SELENON: variants seen among roughly 807,000 people sequenced by gnomAD.
SELENON encodes selenoprotein N.
A neutral mutation model predicts 59.5 loss-of-function variants in SELENON; 44 were observed. That is an observed-to-expected ratio of 0.74 (90% CI 0.58 to 0.95). The LOEUF is 0.95. Ranked by LOEUF, SELENON falls within the 40% of genes least tolerant of loss-of-function variation. SELENON has a pLI of 0.00. For missense variants in SELENON, 674 were observed against 721.4 expected, an observed-to-expected ratio of 0.93 and a Z score of 0.75; for synonymous variants, 320 against 305.6, an observed-to-expected ratio of 1.05 and a Z score of -0.49.
In SELENON at chr1:25,807,540, C is replaced by T. The variant is rs1202398543; in HGVS notation, c.538-1040C>T. Among the ~76,000 whole-genome samples the T allele has an allele frequency of 6.6e-6, 1 of 152,168 alleles. No homozygotes were observed. Among genetic ancestry groups the T allele is most frequent in the African/African-American group, 2.4e-5 (1 of 41,454 alleles). ...ACTGGGGTGAGGCAGGAGCAGCACC[C>T]CTAGCCCTGGCCCCCGAGCAGAGCC... On this transcript the variant is annotated intron_variant, in intron 4 of 12. Coordinates refer to ENST00000361547, the MANE Select transcript of SELENON (RefSeq NM_020451.3). The surrounding 1 kb of genome is among the most constrained non-coding windows in gnomAD (Gnocchi z 4.5).
intron 12 of SELENON, 113 bp from the exon 12 acceptor site, chr1:25,815,435 G>C (rs1236367738): frequency 2.2e-6 from 2 of 923,240 alleles, no homozygotes; most frequent in Non-Finnish European, 1.7e-6. Context: ...ATCCACCTCA[G>C]ACAAGGACAG....
rs761226681 is a variant in SELENON, at chr1:25,809,676, C to T, written c.873-7C>T. The stretch of plus-strand genomic sequence containing the variant: ...AGCTCTGGTGCAGCAGATCCCCTTC[C>T]CCACAGGATCCATGCCGAGTTCCAG... On this transcript the variant is annotated splice_polypyrimidine_tract_variant and splice_region_variant and intron_variant, in intron 6 of 12. Coordinates refer to ENST00000361547, the MANE Select transcript of SELENON (RefSeq NM_020451.3). 3 of 1,613,722 alleles carry T rather than the reference C, an allele frequency of 1.9e-6. No homozygotes were observed. Among genetic ancestry groups the T allele is most frequent in the South Asian group, 2.2e-5 (2 of 91,086 alleles).
rs1174797000 is a variant in SELENON at position 25,800,258 on chromosome 1, G to C, written c.28G>C (p.Gly10Arg). The C allele has an allele frequency of 1.1e-6, 1 of 932,758 alleles. No individual in the cohort carries two copies. The highest frequency in any genetic ancestry group is 1.3e-6 in the Non-Finnish European group (1 of 784,882). 57.8% of individuals were successfully genotyped at this position (932,758 alleles called of 1,614,324 possible). ...GGGCCGGGCCCGGCCGGGCCAACGC[G>C]GGCCGCCCAGCCCCGGCCCCGCCGC... Residue 10 changes from glycine (G) to arginine (R), a missense_variant, in exon 1 of 13, where the codon GGG becomes CGG. By Grantham distance (125) the Gly-to-Arg change is moderately radical (BLOSUM62 -2). Coordinates refer to ENST00000361547, the MANE Select transcript of SELENON (RefSeq NM_020451.3).
intron 9 of SELENON, 66 bp from the exon 9 acceptor site, chr1:25,812,621 G>T (rs1269188368): frequency 6.2e-6 from 7 of 1,122,840 alleles, no homozygotes; most frequent in Non-Finnish European, 7.8e-6. Context: ...ACACACTACA[G>T]ACTCAGCCCG....
chr1:25,812,873 G>T (rs1158799642), intron 10 of SELENON, 81 bp downstream of exon 9: 4 of 1,089,340 alleles, frequency 3.7e-6, no homozygotes, highest in Non-Finnish European at 5.5e-6. Context: ...AGACCAATGG[G>T]ACTCTTCTGT....
Position 25,815,652 on chromosome 1 carries a change from C to G in SELENON, c.1707C>G (p.Ser569=). ...TCTCATCCACCTTTGAAGACCCGTC[C>G]ACGGCCACCTACATGCAGTTCCTGA... The change falls in exon 13 of 13, where the codon TCC becomes TCG. Residue 569 remains serine, a synonymous_variant. Coordinates refer to ENST00000361547, the MANE Select transcript of SELENON (RefSeq NM_020451.3). 6.2e-7 allele frequency: 1 copy of G among 1,614,208 alleles called. No homozygotes were observed. Among genetic ancestry groups the G allele is most frequent in the South Asian group, 1.1e-5 (1 of 91,090 alleles).
rs1304307798 is a variant in SELENON at position 25,807,232 on chromosome 1, T to C, written c.538-1348T>C. Among the ~76,000 whole-genome samples the C allele has an allele frequency of 6.6e-6, 1 of 152,076 alleles. No individual in the cohort carries two copies. The highest frequency in any genetic ancestry group is 1.9e-4 in the East Asian group (1 of 5,184). On this transcript the variant is annotated intron_variant, in intron 4 of 12. Coordinates refer to ENST00000361547, the MANE Select transcript of SELENON (RefSeq NM_020451.3). The surrounding 1 kb of genome is among the most constrained non-coding windows in gnomAD (Gnocchi z 4.5). ...AGGGAAGGGCATTGCCCGTTTTGGG[T>C]CCTGTTTACTTGCCGTCTCCCACTA...
In SELENON at chr1:25,818,084, C is replaced by T. The variant is rs1165089318; in HGVS notation, c.*2366C>T. On this transcript the variant is annotated 3_prime_UTR_variant, in exon 13 of 13. Transcript: ENST00000361547. ...TGGCCTGGGCTTTCTGAGGCCTTAT[C>T]TGATGCCTCTGCAGTTCATGTCCCC... 1 of 152,410 alleles carries T rather than the reference C, an allele frequency of 6.6e-6. No individual in the cohort carries two copies. The highest frequency in any genetic ancestry group is 1.5e-5 in the Non-Finnish European group (1 of 68,172). The allele number at this position is 152,410 out of a possible 1,614,324, so 9.4% of individuals were successfully genotyped here.
chr1:25,814,340 C>T lies in SELENON; in HGVS notation c.1602+162C>T, dbSNP rs537714343. On this transcript the variant is annotated intron_variant, in intron 12 of 12. Transcript: ENST00000361547. ...TGGTCTCTTACCCAGTCTAAGCCTC[C>T]GTTGTCCCCGTGTAGAAACAGGAAT... Among the ~76,000 whole-genome samples, 8 of 152,372 alleles carry T rather than the reference C, an allele frequency of 5.3e-5. No homozygotes were observed. The East Asian group carries it at 5.8e-4, about 11-fold the overall frequency.
rs763686984 is a variant in SELENON at position 25,808,709 on chromosome 1, A to C, written c.667A>C (p.Ile223Leu). ...CCAGGAGCTGGGTGAGCCCTGGTGG[A>C]TCATCCCCAGTGAGCTGAGCATGTT... The change falls in exon 5 of 13, where the codon ATC becomes CTC. Residue 223 changes from isoleucine (I) to leucine (L), a missense_variant. Physicochemically the swap from Ile to Leu is conservative, Grantham distance 5 (BLOSUM62 2). Coordinates refer to ENST00000361547, the MANE Select transcript of SELENON (RefSeq NM_020451.3). The C allele has an allele frequency of 2.5e-6, 4 of 1,614,118 alleles. No homozygotes were observed. The South Asian group carries it at 4.4e-5, about 18-fold the overall frequency.
At chr1:25,801,534 C>T (rs1187844559) in intron 2 of SELENON, among the ~76,000 whole-genome samples, 1 of 152,114 alleles carries the variant, frequency 6.6e-6, no homozygotes, top group Non-Finnish European at 1.5e-5. Flanking sequence ...GTGGTGCACA[C>T]CTGTAGTCCC....
intron 3 of SELENON, among the ~76,000 whole-genome samples, chr1:25,802,305 C>G (rs1311533527): frequency 6.6e-6 from 1 of 151,896 alleles, no homozygotes; most frequent in African/African-American, 2.4e-5. Flanking sequence ...CTATAACTAT[C>G]ATTACTAAAT....
chr1:25,814,992 G>A (rs183588770), intron 12 of SELENON, among the ~76,000 whole-genome samples: 207 of 152,244 alleles, frequency 1.4e-3, no homozygotes, highest in Non-Finnish European at 1.0e-3. Flanking sequence ...AGATGGTGTC[G>A]GGGAACTGGA....
At chr1:25,813,667 G>A in intron 10 of SELENON, 1 of 636,952 alleles carries the variant, frequency 1.6e-6, no homozygotes, top group Non-Finnish European at 2.9e-6. Context: ...GGGCCAGGTA[G>A]AACCCCTAAC....
rs1280833441 is a variant in SELENON at position 25,816,790 on chromosome 1, AAG to A, written c.*1073_*1074del. 2 of 152,698 alleles carry A rather than the reference AAG, an allele frequency of 1.3e-5. No homozygotes were observed. Among genetic ancestry groups the A allele is most frequent in the African/African-American group, 4.8e-5 (2 of 41,464 alleles). 9.5% of individuals were successfully genotyped at this position (152,698 alleles called of 1,614,324 possible). A position where few individuals can be genotyped will look rare whatever the true frequency, so the allele number is the denominator to read the frequency against. ...TTTTATAACCCCAGTGCTGAGGAGAAAGGAGGGGCAGTGGCTTCCCCGGCAGC... is the reference window on the plus strand; with the variant it reads ...TTTTATAACCCCAGTGCTGAGGAGAAGAGGGGCAGTGGCTTCCCCGGCAGC... On this transcript the variant is annotated 3_prime_UTR_variant, in exon 13 of 13. Coordinates refer to ENST00000361547, the MANE Select transcript of SELENON (RefSeq NM_020451.3).
chr1:25,800,366 G>A lies in SELENON; in HGVS notation c.136G>A (p.Val46Ile), dbSNP rs2124436757. ...GCTGGCCGCCGCCGCTGCCGCCGCC[G>A]TCCGGGTCTGCGCCCGCCACGCCGA... Residue 46 changes from valine to isoleucine, a missense_variant, in exon 1 of 13, where the codon GTC (valine) becomes ATC (isoleucine). Transcript: ENST00000361547. 2 of 1,084,560 alleles carry A rather than the reference G, an allele frequency of 1.8e-6. No individual in the cohort carries two copies. Among genetic ancestry groups the A allele is most frequent in the Middle Eastern group, 4.1e-4 (1 of 2,432 alleles). 67.2% of individuals were successfully genotyped at this position (1,084,560 alleles called of 1,614,324 possible).
chr1:25,811,344 C>T (rs893878616), intron 7 of SELENON, 110 bp from the exon 7 acceptor site: 1 of 992,890 alleles, frequency 1.0e-6, no homozygotes, highest in Non-Finnish European at 1.6e-6. Context: ...CTTGAGAAAC[C>T]TCAGTGTCCT....
rs954036476 is a variant in SELENON at position 25,815,848 on chromosome 1, A to C, written c.*130A>C. 5.2e-6 allele frequency: 5 copies of C among 961,094 alleles called. No individual in the cohort carries two copies. In the African/African-American group the frequency reaches 8.1e-5, roughly 16 times the overall value. The allele number at this position is 961,094 out of a possible 1,614,324, so 59.5% of individuals were successfully genotyped here. Reference sequence around the variant, plus strand: ...GGCTGCCTTGGAGGGTACAAGATCCACTGAGGGTGGCCACCACAGCCTTGG... The same window carrying C: ...GGCTGCCTTGGAGGGTACAAGATCCCCTGAGGGTGGCCACCACAGCCTTGG... On this transcript the variant is annotated 3_prime_UTR_variant, in exon 13 of 13. Coordinates refer to ENST00000361547, the MANE Select transcript of SELENON (RefSeq NM_020451.3).
In SELENON at chr1:25,807,273, C is replaced by A. The variant is rs999226068; in HGVS notation, c.538-1307C>A. 6.6e-6 allele frequency among the ~76,000 whole-genome samples: 1 copy of A among 152,178 alleles called. No individual in the cohort carries two copies. Among genetic ancestry groups the A allele is most frequent in the African/African-American group, 2.4e-5 (1 of 41,442 alleles). Reference sequence around the variant, plus strand: ...TCTCCCACTATAAGCTCCAAGAAGACAGGGTGCACAGTGTACCCTGATAGA... The same window carrying A: ...TCTCCCACTATAAGCTCCAAGAAGAAAGGGTGCACAGTGTACCCTGATAGA... On this transcript the variant is annotated intron_variant, in intron 4 of 12. Transcript: ENST00000361547. The surrounding 1 kb of genome is among the most constrained non-coding windows in gnomAD (Gnocchi z 4.5).
Sources: allele counts gnomAD v4.1 joint callset (sites outside exome capture counted in the v4.1 genomes callset), GRCh38; gene constraint gnomAD v4.1.1; non-coding constraint Gnocchi (gnomAD v3.1); transcripts MANE v1.5; gene names NCBI Gene and HGNC (gene_info 2026-07-23, HGNC 2026-07-21).